BABAM2: variants seen among roughly 807,000 people sequenced by gnomAD.
The protein encoded by BABAM2 is BRISC and BRCA1 A complex member 2, also known as BRISC and BRCA1-A complex member 2.
In BABAM2, 31 loss-of-function variants were observed where a neutral mutation model predicts 54.7. The observed-to-expected ratio is 0.57, with a 90% CI of 0.43 to 0.77. The LOEUF is 0.77. Among genes scored for constraint, BABAM2 ranks in the 30% least tolerant of loss-of-function variants. The pLI, the probability that BABAM2 is intolerant of heterozygous loss-of-function variation, is 0.00. For missense variants in BABAM2, 364 were observed against 455.8 expected (o/e 0.80, Z 1.83); for synonymous variants, 167 against 162.9 (o/e 1.03, Z -0.19).
At chr2:27,947,116 T>TGTCTACCTTTTA (rs1669356346) in intron 3 of BABAM2, among the ~76,000 whole-genome samples, 1 of 152,182 alleles carries the variant, frequency 6.6e-6, no homozygotes, top group Non-Finnish European at 1.5e-5. Context: ...TGCTTGAAAA[T>TGTCTACCTTTTA]GTCTACCTTT....
At chr2:28,055,038 A>G (rs1357502838) in intron 6 of BABAM2, among the ~76,000 whole-genome samples, 1 of 152,228 alleles carries the variant, frequency 6.6e-6, no homozygotes, top group East Asian at 1.9e-4. Context: ...GGTAGACTGG[A>G]TGAAAAAAAT....
intron 2 of BABAM2, among the ~76,000 whole-genome samples, chr2:27,922,363 G>A (rs1667401925): frequency 6.6e-6 from 1 of 152,062 alleles, no homozygotes; most frequent in Admixed American, 6.6e-5. Context: ...AATAATACTG[G>A]GAGTCATGTG....
At chr2:28,036,804 T>A (rs1447733113) in intron 5 of BABAM2, among the ~76,000 whole-genome samples, 1 of 152,206 alleles carries the variant, frequency 6.6e-6, no homozygotes, top group Non-Finnish European at 1.5e-5. Flanking sequence ...AAACTGAGTG[T>A]CCCGATTAAA....
rs200193522 is a variant in BABAM2, at chr2:28,013,575, C to CAT, written c.301-11650_301-11649dup. 6.5e-3 allele frequency among the ~76,000 whole-genome samples: 950 copies of CAT among 147,286 alleles called. 6 individuals are homozygous for CAT. The highest frequency in any genetic ancestry group is 7.9e-3 in the Non-Finnish European group (532 of 67,374). ...ATATAACTGTCATATTCTGTATTGACATGAGAATCAGGATCATATTACCAC... is the reference window on the plus strand; with the variant it reads ...ATATAACTGTCATATTCTGTATTGACATATGAGAATCAGGATCATATTACCAC... On this transcript the variant is annotated intron_variant, in intron 4 of 11. Coordinates refer to ENST00000379624, the MANE Select transcript of BABAM2 (RefSeq NM_199191.3).
chr2:28,226,540 G>A (rs899864964), intron 7 of BABAM2, among the ~76,000 whole-genome samples: 3 of 152,138 alleles, frequency 2.0e-5, no homozygotes, highest in Non-Finnish European at 4.4e-5. Context: ...AGGAGTCATG[G>A]GGGGAGATGA....
At chr2:28,237,173 A>T (rs1181100937) in intron 7 of BABAM2, 29 bp from the exon 8 acceptor site, 1 of 1,585,866 alleles carries the variant, frequency 6.3e-7, no homozygotes, top group Admixed American at 1.7e-5. Context: ...GCCCTAAGAG[A>T]AGTGTCCATT....
chr2:28,336,783 T>C (rs1189016735), intron 11 of BABAM2, among the ~76,000 whole-genome samples: 1 of 152,260 alleles, frequency 6.6e-6, no homozygotes, highest in African/African-American at 2.4e-5. Flanking sequence ...GCATTTGCTC[T>C]GCTCCAGAGA....
chr2:28,109,956 C>G (rs900952987), intron 6 of BABAM2, among the ~76,000 whole-genome samples: 48 of 152,000 alleles, frequency 3.2e-4, no homozygotes, highest in African/African-American at 9.7e-4. Flanking sequence ...TAATGTTGTG[C>G]GACCATCATG....
At chr2:27,899,110 A>C (rs999722505) in intron 2 of BABAM2, among the ~76,000 whole-genome samples, 3 of 152,140 alleles carry the variant, frequency 2.0e-5, no homozygotes, top group Non-Finnish European at 4.4e-5. Context: ...AACAAAAATA[A>C]AGAAAAAAAA....
intron 7 of BABAM2, among the ~76,000 whole-genome samples, chr2:28,187,749 A>G (rs1676471868): frequency 7.0e-6 from 1 of 143,502 alleles, no homozygotes; most frequent in Non-Finnish European, 1.5e-5. Context: ...ACTCACTGCA[A>G]CCTCTGCCTC....
At chr2:28,012,745 A>C (rs1287074433) in intron 4 of BABAM2, among the ~76,000 whole-genome samples, 1 of 152,190 alleles carries the variant, frequency 6.6e-6, no homozygotes, top group Non-Finnish European at 1.5e-5. Context: ...TTAAGAGAAA[A>C]ATGGCTAATT....
At chr2:28,332,908 G>T (rs1430999186) in intron 11 of BABAM2, among the ~76,000 whole-genome samples, 2 of 152,150 alleles carry the variant, frequency 1.3e-5, no homozygotes, top group African/African-American at 4.8e-5. Context: ...CCTGAGATTG[G>T]CCATCTCTGC....
intron 6 of BABAM2, among the ~76,000 whole-genome samples, chr2:28,122,951 A>T (rs1358763597): frequency 6.6e-6 from 1 of 152,164 alleles, no homozygotes; most frequent in Non-Finnish European, 1.5e-5. Context: ...TTAAGCATAG[A>T]CTTAAGGAAT....
chr2:28,248,123 G>A (rs954046610), intron 10 of BABAM2, among the ~76,000 whole-genome samples: 1 of 151,726 alleles, frequency 6.6e-6, no homozygotes, highest in Non-Finnish European at 1.5e-5. Flanking sequence ...CAGTTGTATA[G>A]GCAATTCCAT....
chr2:27,901,199 G>A (rs1335536930), intron 2 of BABAM2, among the ~76,000 whole-genome samples: 1 of 152,050 alleles, frequency 6.6e-6, no homozygotes, highest in East Asian at 1.9e-4. Flanking sequence ...TCTTTGCTCT[G>A]TGTTAATTTG....
intron 7 of BABAM2, among the ~76,000 whole-genome samples, chr2:28,169,113 G>T (rs1674040560): frequency 6.6e-6 from 1 of 152,156 alleles, no homozygotes; most frequent in Admixed American, 6.5e-5. Context: ...CTCCAGTAAG[G>T]ATTGTGGGTC....
intron 7 of BABAM2, among the ~76,000 whole-genome samples, chr2:28,160,348 T>A (rs773511148): frequency 2.6e-5 from 4 of 152,216 alleles, no homozygotes; most frequent in Non-Finnish European, 5.9e-5. Context: ...GGTTATGTGA[T>A]AGCTAATCCT....
rs545270257 is a variant in BABAM2, at chr2:27,922,090, T to C, written c.129-7742T>C. On this transcript the variant is annotated intron_variant, in intron 2 of 11. Transcript: ENST00000379624. ...TGCCTAGGCCATGGAGACTAAGATATGGTTAGCGTGTCCTGTAAGTGGTTT... is the reference window on the plus strand; with the variant it reads ...TGCCTAGGCCATGGAGACTAAGATACGGTTAGCGTGTCCTGTAAGTGGTTT... Among the ~76,000 whole-genome samples the C allele has an allele frequency of 2.6e-5, 4 of 152,304 alleles. No homozygotes were observed. In the East Asian group the frequency reaches 5.8e-4, roughly 22 times the overall value.
At chr2:28,048,389 G>C (rs957123008) in intron 6 of BABAM2, among the ~76,000 whole-genome samples, 2 of 152,186 alleles carry the variant, frequency 1.3e-5, no homozygotes, top group Non-Finnish European at 2.9e-5. Flanking sequence ...TCTTACAGGG[G>C]ATAGAGTGAA....
Sources: gnomAD v4.1 joint callset for allele counts (sites outside exome capture counted in the v4.1 genomes callset) on GRCh38, gnomAD v4.1.1 for gene constraint, MANE v1.5 for transcripts, NCBI Gene and HGNC (gene_info 2026-07-23, HGNC 2026-07-21) for gene names.